The following GCDH variants were observed in gnomAD, a reference collection of about 807,000 sequenced individuals.
The protein encoded by GCDH is glutaryl-CoA dehydrogenase, mitochondrial.
Under a neutral mutation model 52.8 loss-of-function variants are expected in GCDH, and 31 were observed. The ratio of observed to expected loss-of-function variants is 0.59; its 90% CI spans 0.44 to 0.79. The LOEUF (loss-of-function observed/expected upper bound fraction) is 0.79. Ranked by LOEUF, GCDH falls within the 30% of genes least tolerant of loss-of-function variation. GCDH has a pLI of 0.00. For missense variants in GCDH, 509 were observed against 595.0 expected (o/e 0.86, Z 1.50); for synonymous variants, 242 against 250.0 (o/e 0.97, Z 0.30).
At chr19:12,898,922 GAGAGGCGGCTTCAGATGGGC>G (rs1372446773) in intron 11 of GCDH, 1 of 234,928 alleles carries the variant, frequency 4.3e-6, no homozygotes, top group Non-Finnish European at 8.5e-6. Context: ...GATTCTCTGG[GAGAGGCGGCTTCAGATGGGC>G]AGAGGTCAGC....
chr19:12,894,416 G>C (rs879160105), intron 6 of GCDH: 1 of 752,084 alleles, frequency 1.3e-6, no homozygotes, highest in East Asian at 2.6e-5. Context: ...AGAAAGAGAA[G>C]ATCAGTTCAT....
Position 12,896,797 on chromosome 19 carries a change from G to C in GCDH, c.853-113G>C. ...ATCTGTGATGTGAACCACAACCTGA[G>C]TCCCCCTGCGTGGGGTGGCTGGGGA... On this transcript the variant is annotated intron_variant, in intron 8 of 11. Transcript: ENST00000222214. The surrounding 1 kb of genome is among the most constrained non-coding windows in gnomAD (Gnocchi z 5.5). 2 of 752,660 alleles carry C rather than the reference G, an allele frequency of 2.7e-6. No homozygotes were observed. The highest frequency in any genetic ancestry group is 4.7e-6 in the Non-Finnish European group (2 of 426,460). 46.6% of individuals were successfully genotyped at this position (752,660 alleles called of 1,614,324 possible). A position where few individuals can be genotyped will look rare whatever the true frequency, so the allele number is the denominator to read the frequency against.
Position 12,896,346 on chromosome 19 carries a change from A to C in GCDH, c.777A>C (p.Ser259=), listed in dbSNP as rs748011228. 1.2e-6 allele frequency: 2 copies of C among 1,614,034 alleles called. No homozygotes were observed. The highest frequency in any genetic ancestry group is 2.7e-5 in the African/African-American group (2 of 74,932). ...AGGGCAAGTTCTCGCTGCGGGCCTC[A>C]GCCACAGGCATGATCATCATGGACG... ...RIQGKFSLRA[S]ATGMIIMDGV... Residue 259 remains serine, a synonymous_variant, in exon 8 of 12, where the codon TCA becomes TCC. Coordinates refer to ENST00000222214, the MANE Select transcript of GCDH (RefSeq NM_000159.4). This position sits in a 1 kb window ranked among gnomAD's most constrained non-coding sequence, Gnocchi z 5.5.
intron 6 of GCDH, 30 bp from the exon 7 acceptor site, chr19:12,895,962 C>G (rs774432321): frequency 6.2e-7 from 1 of 1,613,374 alleles, no homozygotes; most frequent in Non-Finnish European, 8.5e-7. Flanking sequence ...AGGGACCAGG[C>G]AGCCTTGTGA....
Position 12,896,867 on chromosome 19 carries a change from G to T in GCDH, c.853-43G>T. 7.2e-7 allele frequency: 1 copy of T among 1,379,936 alleles called. No individual in the cohort carries two copies. The highest frequency in any genetic ancestry group is 1.0e-6 in the Non-Finnish European group (1 of 968,546). The allele number at this position is 1,379,936 out of a possible 1,614,324, so 85.5% of individuals were successfully genotyped here. On this transcript the variant is annotated intron_variant, in intron 8 of 11. Transcript: ENST00000222214. The surrounding 1 kb of genome is among the most constrained non-coding windows in gnomAD (Gnocchi z 5.5). Reference sequence around the variant, plus strand: ...GAGTTGGTTCTGCATAGGCCCTCTTGGTGTCTCTTGGGTGGGCCTGAGGCG... The same window carrying T: ...GAGTTGGTTCTGCATAGGCCCTCTTTGTGTCTCTTGGGTGGGCCTGAGGCG...
At position 12,899,930 on chromosome 19, in the gene GCDH, G is replaced by A. The variant is rs1383612086; in HGVS notation, c.*389G>A. 2.5e-6 allele frequency: 4 copies of A among 1,610,838 alleles called. No individual in the cohort carries two copies. In the African/African-American group the frequency reaches 4.0e-5, roughly 16 times the overall value. On this transcript the variant is annotated 3_prime_UTR_variant, in exon 12 of 12. Coordinates refer to ENST00000222214, the MANE Select transcript of GCDH (RefSeq NM_000159.4). Reference sequence around the variant, plus strand: ...GTAGTGCCTTATGCTGGGTGTTGGAGCAGAGTGAGGGAGAGGAAAATAAAG... The same window carrying A: ...GTAGTGCCTTATGCTGGGTGTTGGAACAGAGTGAGGGAGAGGAAAATAAAG...
intron 5 of GCDH, 115 bp downstream of exon 5, chr19:12,892,293 T>G (rs1970577999): frequency 3.1e-6 from 3 of 964,698 alleles, no homozygotes; most frequent in Non-Finnish European, 4.9e-6. Context: ...TCCTTTTCTT[T>G]CCTTTCTTCT....
Position 12,893,624 on chromosome 19 carries a change from A to G in GCDH, c.476A>G (p.Glu159Gly). 6.2e-7 allele frequency: 1 copy of G among 1,614,044 alleles called. No individual in the cohort carries two copies. Among genetic ancestry groups the G allele is most frequent in the Non-Finnish European group, 8.5e-7 (1 of 1,180,002 alleles). ...MHPIYAYGSE[E>G]QRQKYLPQLA... ...CCTATCTATGCCTATGGCAGCGAGGAACAGCGGCAGAAGTACCTGCCCCAG... is the reference window on the plus strand; with the variant it reads ...CCTATCTATGCCTATGGCAGCGAGGGACAGCGGCAGAAGTACCTGCCCCAG... The change falls in exon 6 of 12, where the codon GAA becomes GGA. Residue 159 changes from glutamate (E) to glycine (G), a missense_variant. Physicochemically the swap from Glu to Gly is moderately conservative, Grantham distance 98. Coordinates refer to ENST00000222214, the MANE Select transcript of GCDH (RefSeq NM_000159.4).
rs1970688437 is a variant in GCDH, at chr19:12,896,667, T to G, written c.853-243T>G. Among the ~76,000 whole-genome samples the G allele has an allele frequency of 6.6e-6, 1 of 152,198 alleles. No individual in the cohort carries two copies. The highest frequency in any genetic ancestry group is 2.1e-4 in the South Asian group (1 of 4,834). ...GTCATTTGACTCACAGTGCATCTTC[T>G]GGCATCCGTCAGCCTCCTGGCTCTG... is the stretch of plus-strand genomic sequence containing the variant. On this transcript the variant is annotated intron_variant, in intron 8 of 11. Transcript: ENST00000222214. The surrounding 1 kb of genome is among the most constrained non-coding windows in gnomAD (Gnocchi z 5.5).
rs1970691671 is a variant in GCDH, at chr19:12,896,841, A to G, written c.853-69A>G. The G allele has an allele frequency of 3.7e-6, 4 of 1,087,396 alleles. No individual in the cohort carries two copies. In the Admixed American group the frequency reaches 5.2e-5, roughly 14 times the overall value. 67.4% of individuals were successfully genotyped at this position (1,087,396 alleles called of 1,614,324 possible). Reference sequence around the variant, plus strand: ...CTGGGGAGGAGGCTTTCCCTGCTTCAGAGTTGGTTCTGCATAGGCCCTCTT... The same window carrying G: ...CTGGGGAGGAGGCTTTCCCTGCTTCGGAGTTGGTTCTGCATAGGCCCTCTT... On this transcript the variant is annotated intron_variant, in intron 8 of 11. Transcript: ENST00000222214. This position sits in a 1 kb window ranked among gnomAD's most constrained non-coding sequence, Gnocchi z 5.5.
Position 12,896,788 on chromosome 19 carries a change from A to G in GCDH, c.853-122A>G. 1 of 738,012 alleles carries G rather than the reference A, an allele frequency of 1.4e-6. No individual in the cohort carries two copies. Among genetic ancestry groups the G allele is most frequent in the Non-Finnish European group, 2.4e-6 (1 of 415,542 alleles). The allele number at this position is 738,012 out of a possible 1,614,324, so 45.7% of individuals were successfully genotyped here. A position where few individuals can be genotyped will look rare whatever the true frequency, so the allele number is the denominator to read the frequency against. ...GCCAGGGCCATCTGTGATGTGAACC[A>G]CAACCTGAGTCCCCCTGCGTGGGGT... On this transcript the variant is annotated intron_variant, in intron 8 of 11. Coordinates refer to ENST00000222214, the MANE Select transcript of GCDH (RefSeq NM_000159.4). The surrounding 1 kb of genome is among the most constrained non-coding windows in gnomAD (Gnocchi z 5.5).
Position 12,896,892 on chromosome 19 carries a change from G to T in GCDH, c.853-18G>T. 1 of 1,587,046 alleles carries T rather than the reference G, an allele frequency of 6.3e-7. No individual in the cohort carries two copies. On this transcript the variant is annotated intron_variant, in intron 8 of 11. Coordinates refer to ENST00000222214, the MANE Select transcript of GCDH (RefSeq NM_000159.4). The surrounding 1 kb of genome is among the most constrained non-coding windows in gnomAD (Gnocchi z 5.5). ...GGTGTCTCTTGGGTGGGCCTGAGGC[G>T]CCATCTCAACCCTACAGGGTCCCTT...
intron 3 of GCDH, 123 bp from the exon 4 acceptor site, chr19:12,891,708 C>T: frequency 6.2e-7 from 1 of 1,605,576 alleles, no homozygotes. Flanking sequence ...CCTGATCAGT[C>T]TCGCTTGCAG....
In GCDH at chr19:12,895,974, T is replaced by A. The variant is rs1568427351; in HGVS notation, c.506-18T>A. On this transcript the variant is annotated intron_variant, in intron 6 of 11. Coordinates refer to ENST00000222214, the MANE Select transcript of GCDH (RefSeq NM_000159.4). ...ATCAGGGACCAGGCAGCCTTGTGAC[T>A]TTGTCTTGTGCCTGCAGCCAAGGGG... is the stretch of plus-strand genomic sequence containing the variant. 2.5e-6 allele frequency: 4 copies of A among 1,613,710 alleles called. No individual in the cohort carries two copies. Among genetic ancestry groups the A allele is most frequent in the Admixed American group, 1.7e-5 (1 of 59,980 alleles).
chr19:12,896,250 G>C lies in GCDH; in HGVS notation c.681G>C (p.Arg227=). ...CCGATCTGTTTGTAGTGTGGGCTCG[G>C]TGTGAAGATGGCTGCATTCGGGGCT... ...PMADLFVVWA[R]CEDGCIRGFL... The change falls in exon 8 of 12, where the codon CGG becomes CGC. Residue 227 remains arginine (R), a synonymous_variant. Transcript: ENST00000222214. The surrounding 1 kb of genome is among the most constrained non-coding windows in gnomAD (Gnocchi z 5.5). The C allele has an allele frequency of 2.5e-6, 4 of 1,614,174 alleles. No individual in the cohort carries two copies. The highest frequency in any genetic ancestry group is 2.5e-6 in the Non-Finnish European group (3 of 1,180,028).
chr19:12,896,179 C>T lies in GCDH; in HGVS notation c.636-26C>T, dbSNP rs772762469. ...CAGGGGCAAAGGGGCACTGGTCAGACCCCTCACCGACTGTTCCATCCCCAG... is the reference window on the plus strand; with the variant it reads ...CAGGGGCAAAGGGGCACTGGTCAGATCCCTCACCGACTGTTCCATCCCCAG... On this transcript the variant is annotated intron_variant, in intron 7 of 11. Transcript: ENST00000222214. This position sits in a 1 kb window ranked among gnomAD's most constrained non-coding sequence, Gnocchi z 5.5. 8.7e-6 allele frequency: 14 copies of T among 1,614,028 alleles called. No homozygotes were observed. The highest frequency in any genetic ancestry group is 1.7e-6 in the Non-Finnish European group (2 of 1,179,934).
rs1057516344 is a variant in GCDH at position 12,896,312 on chromosome 19, C to T, written c.743C>T (p.Pro248Leu). The T allele has an allele frequency of 5.0e-6, 8 of 1,614,048 alleles. No individual in the cohort carries two copies. Among genetic ancestry groups the T allele is most frequent in the Non-Finnish European group, 6.8e-6 (8 of 1,180,044 alleles). ...LEKGMRGLSA[P>L]RIQGKFSLRA... ...AAGGGGATGCGGGGTCTCTCGGCCC[C>T]CAGGATCCAGGGCAAGTTCTCGCTG... Residue 248 changes from proline to leucine, a missense_variant, in exon 8 of 12, where the codon CCC becomes CTC. Pro to Leu is a moderately conservative substitution (Grantham distance 98). Coordinates refer to ENST00000222214, the MANE Select transcript of GCDH (RefSeq NM_000159.4). The surrounding 1 kb of genome is among the most constrained non-coding windows in gnomAD (Gnocchi z 5.5).
In GCDH at chr19:12,897,859, C is replaced by T. The variant is rs776082304; in HGVS notation, c.1239C>T (p.Tyr413=). The change falls in exon 11 of 12, where the codon TAC becomes TAT. Residue 413 remains tyrosine, a synonymous_variant. Transcript: ENST00000222214. ...TGAACCTGGAGGCCGTGAACACCTA[C>T]GAAGGTAGGAGCTGGACCTCAGAGG... is the stretch of plus-strand genomic sequence containing the variant. ...HAMNLEAVNT[Y]EGTHDIHALI... 13 of 1,613,622 alleles carry T rather than the reference C, an allele frequency of 8.1e-6. No individual in the cohort carries two copies. In the Admixed American group the frequency reaches 1.0e-4, roughly 12 times the overall value.
intron 9 of GCDH, 54 bp from the exon 10 acceptor site, chr19:12,897,249 A>G: frequency 1.9e-6 from 3 of 1,610,868 alleles, no homozygotes; most frequent in Non-Finnish European, 2.5e-6. Flanking sequence ...CAGGACAGGG[A>G]CGGGGTGGGA....
Sources: allele counts gnomAD v4.1 joint callset (sites outside exome capture counted in the v4.1 genomes callset), GRCh38; gene constraint gnomAD v4.1.1; non-coding constraint Gnocchi (gnomAD v3.1); transcripts MANE v1.5; gene names NCBI Gene and HGNC (gene_info 2026-07-23, HGNC 2026-07-21).